The following NALCN variants were observed in gnomAD, a reference collection of about 807,000 sequenced individuals.
NALCN encodes the protein sodium leak channel, non-selective, also known as sodium leak channel NALCN.
NALCN carries 111 observed loss-of-function variants against 225.3 expected under a neutral mutation model. The observed-to-expected ratio is 0.49, with a 90% CI of 0.42 to 0.58. NALCN has a LOEUF of 0.58. NALCN is among the 20% of genes least tolerant of loss of function. The pLI is 0.00. For synonymous variants in NALCN, 764 were observed against 769.0 expected (o/e 0.99, Z 0.11); for missense variants, 1,378 against 2,202.4 (o/e 0.63, Z 7.49).
At chr13:101,275,875 C>T (rs2042952681) in intron 10 of NALCN, among the ~76,000 whole-genome samples, 1 of 151,862 alleles carries the variant, frequency 6.6e-6, no homozygotes, top group African/African-American at 2.4e-5. Context: ...ATCATCCTGG[C>T]CAACGTGGTG....
chr13:101,261,266 C>T (rs1381923006), intron 10 of NALCN, among the ~76,000 whole-genome samples: 1 of 152,142 alleles, frequency 6.6e-6, no homozygotes, highest in South Asian at 2.1e-4. Flanking sequence ...ATTACTGTAG[C>T]TTTGAATTAT....
chr13:101,215,909 C>T (rs935044888), intron 13 of NALCN, among the ~76,000 whole-genome samples: 1 of 151,912 alleles, frequency 6.6e-6, no homozygotes, highest in Non-Finnish European at 1.5e-5. Flanking sequence ...TAGGACAGGC[C>T]CACACATGAC....
At chr13:101,151,426 TA>T (rs1322183515) in intron 15 of NALCN, among the ~76,000 whole-genome samples, 1 of 152,246 alleles carries the variant, frequency 6.6e-6, no homozygotes, top group Non-Finnish European at 1.5e-5. Flanking sequence ...GAAAACAATT[TA>T]AAAAACATTC....
intron 7 of NALCN, among the ~76,000 whole-genome samples, chr13:101,337,360 G>A (rs2045415745): frequency 6.6e-6 from 1 of 151,398 alleles, no homozygotes; most frequent in Non-Finnish European, 1.5e-5. Context: ...CCAGGCTGGA[G>A]TTCAGTGGCT....
At chr13:101,301,819 T>G (rs1333013429) in intron 7 of NALCN, among the ~76,000 whole-genome samples, 1 of 152,106 alleles carries the variant, frequency 6.6e-6, no homozygotes, top group Non-Finnish European at 1.5e-5. Flanking sequence ...CATCCATTAC[T>G]TCTTACCTAG....
chr13:101,253,003 ATATTT>A (rs1319903337), intron 11 of NALCN, among the ~76,000 whole-genome samples: 2 of 152,072 alleles, frequency 1.3e-5, no homozygotes, highest in Non-Finnish European at 2.9e-5. Context: ...AATATTGCTT[ATATTT>A]TATTTCTTAA....
intron 17 of NALCN, among the ~76,000 whole-genome samples, chr13:101,131,960 A>G (rs536676655): frequency 2.4e-4 from 36 of 152,168 alleles, no homozygotes; most frequent in African/African-American, 7.2e-4. Flanking sequence ...CAAAATTTCA[A>G]TTATGTTGAT....
intron 14 of NALCN, among the ~76,000 whole-genome samples, chr13:101,180,124 G>T (rs975823984): frequency 6.6e-6 from 1 of 151,112 alleles, no homozygotes; most frequent in Non-Finnish European, 1.5e-5. Context: ...CAATAAGGTC[G>T]TGTTCATAGG....
chr13:101,248,548 A>T (rs112266249), intron 11 of NALCN, among the ~76,000 whole-genome samples: 1 of 152,140 alleles, frequency 6.6e-6, no homozygotes, highest in Non-Finnish European at 1.5e-5. Context: ...CCTTGTGTGC[A>T]TGGCCAGTGA....
At chr13:101,290,675 C>G (rs557635449) in intron 9 of NALCN, among the ~76,000 whole-genome samples, 1 of 152,160 alleles carries the variant, frequency 6.6e-6, no homozygotes, top group African/African-American at 2.4e-5. Flanking sequence ...TGCCTCAACA[C>G]CACCAGGCTT....
intron 13 of NALCN, among the ~76,000 whole-genome samples, chr13:101,205,533 C>A (rs1018174831): frequency 6.6e-6 from 1 of 152,012 alleles, no homozygotes; most frequent in African/African-American, 2.4e-5. Flanking sequence ...AGGTATACTT[C>A]CCACCGATTA....
chr13:101,314,251 T>A (rs1338476424), intron 7 of NALCN, among the ~76,000 whole-genome samples: 1 of 151,896 alleles, frequency 6.6e-6, no homozygotes, highest in African/African-American at 2.4e-5. Context: ...ACATGGCACA[T>A]GTATACATAT....
chr13:101,214,972 C>T (rs2040673034), intron 13 of NALCN, among the ~76,000 whole-genome samples: 1 of 152,046 alleles, frequency 6.6e-6, no homozygotes, highest in Non-Finnish European at 1.5e-5. Context: ...ATAGATTGGT[C>T]AATAAATGGT....
chr13:101,314,103 T>C (rs966620033), intron 7 of NALCN, among the ~76,000 whole-genome samples: 1 of 135,840 alleles, frequency 7.4e-6, no homozygotes, highest in Non-Finnish European at 1.5e-5. Flanking sequence ...TAGGTGGGAA[T>C]TGAACAATGA....
intron 13 of NALCN, among the ~76,000 whole-genome samples, chr13:101,228,473 G>A (rs546654898): frequency 3.1e-4 from 47 of 152,190 alleles, no homozygotes; most frequent in African/African-American, 6.3e-4. Flanking sequence ...TCATGGGGGC[G>A]GTTTCCCCCC....
chr13:101,103,076 T>C (rs2034908957), intron 26 of NALCN, 96 bp downstream of exon 26: 1 of 1,435,778 alleles, frequency 7.0e-7, no homozygotes, highest in Non-Finnish European at 9.4e-7. Flanking sequence ...CCAAAACTAT[T>C]GAATTGACCT....
At chr13:101,332,907 C>T (rs191685357) in intron 7 of NALCN, among the ~76,000 whole-genome samples, 2 of 152,328 alleles carry the variant, frequency 1.3e-5, no homozygotes, top group African/African-American at 4.8e-5. Flanking sequence ...TGCCTGCATC[C>T]AGCACATGGC....
chr13:101,126,566 C>T (rs1422967686), intron 17 of NALCN, among the ~76,000 whole-genome samples: 2 of 151,338 alleles, frequency 1.3e-5, no homozygotes, highest in African/African-American at 4.9e-5. Flanking sequence ...AATCTCAGCT[C>T]ACCGCAACTT....
rs571553080 is a variant in NALCN at position 101,250,386 on chromosome 13, G to C, written c.1266+8057C>G. Among the ~76,000 whole-genome samples the C allele has an allele frequency of 5.9e-4, 89 of 152,070 alleles. 1 individual carries two copies. Among genetic ancestry groups the C allele is most frequent in the African/African-American group, 2.1e-3 (88 of 41,536 alleles). On this transcript the variant is annotated intron_variant, in intron 11 of 43. Coordinates refer to ENST00000251127, the MANE Select transcript of NALCN (RefSeq NM_052867.4). ...ATAGATCTCAAGGTTTATTATAAAGGATAGCACTTATGACAACATGTTATC... is the reference window on the plus strand; with the variant it reads ...ATAGATCTCAAGGTTTATTATAAAGCATAGCACTTATGACAACATGTTATC...
Sources: allele counts gnomAD v4.1 joint callset (sites outside exome capture counted in the v4.1 genomes callset), GRCh38; gene constraint gnomAD v4.1.1; transcripts MANE v1.5; gene names NCBI Gene and HGNC (gene_info 2026-07-23, HGNC 2026-07-21).